MACROD2: variants seen among roughly 807,000 people sequenced by gnomAD.
MACROD2 encodes ADP-ribose glycohydrolase MACROD2.
A neutral mutation model predicts 70.4 loss-of-function variants in MACROD2; 36 were observed. That is an observed-to-expected ratio of 0.51 (90% CI 0.39 to 0.68). MACROD2 has a LOEUF of 0.68. Among genes scored for constraint, MACROD2 ranks in the 30% least tolerant of loss-of-function variants. The pLI is 0.00. For missense variants in MACROD2, 496 were observed against 538.4 expected, an observed-to-expected ratio of 0.92 and a Z score of 0.78; for synonymous variants, 172 against 178.8, an observed-to-expected ratio of 0.96 and a Z score of 0.30.
At chr20:15,939,370 A>C (rs1488189075) in intron 12 of MACROD2, among the ~76,000 whole-genome samples, 2 of 152,168 alleles carry the variant, frequency 1.3e-5, no homozygotes, top group Non-Finnish European at 2.9e-5. Context: ...CTCATTTACT[A>C]TTCCAAGAAT....
intron 6 of MACROD2, among the ~76,000 whole-genome samples, chr20:15,415,303 A>G (rs1024134289): frequency 4.6e-5 from 7 of 152,308 alleles, no homozygotes; most frequent in Admixed American, 2.0e-4. Flanking sequence ...GCTTGTGGGA[A>G]ATACATCTCT....
chr20:15,693,986 T>G (rs1209840996), intron 8 of MACROD2, among the ~76,000 whole-genome samples: 1 of 152,128 alleles, frequency 6.6e-6, no homozygotes, highest in Admixed American at 6.5e-5. Context: ...CATTGCTGAG[T>G]TACTTCACTT....
At chr20:14,863,556 G>T (rs950902651) in intron 5 of MACROD2, among the ~76,000 whole-genome samples, 2 of 152,048 alleles carry the variant, frequency 1.3e-5, no homozygotes, top group Admixed American at 6.6e-5. Flanking sequence ...AAAGTCTTTG[G>T]GTGTGGATAG....
intron 5 of MACROD2, among the ~76,000 whole-genome samples, chr20:15,034,590 T>C (rs1460396680): frequency 2.0e-5 from 3 of 152,242 alleles, no homozygotes; most frequent in African/African-American, 7.2e-5. Flanking sequence ...AAAAGTATTC[T>C]CAAATGGATG....
intron 6 of MACROD2, among the ~76,000 whole-genome samples, chr20:15,361,237 G>A (rs928538277): frequency 6.6e-6 from 1 of 152,066 alleles, no homozygotes; most frequent in African/African-American, 2.4e-5. Context: ...CTTTTGTATA[G>A]GATGTGAAGT....
intron 3 of MACROD2, among the ~76,000 whole-genome samples, chr20:14,104,183 A>G (rs1216653124): frequency 6.6e-6 from 1 of 152,194 alleles, no homozygotes; most frequent in African/African-American, 2.4e-5. Flanking sequence ...TTTGAATTAT[A>G]CTTCAATGTT....
intron 8 of MACROD2, among the ~76,000 whole-genome samples, chr20:15,565,134 A>G (rs943101499): frequency 2.6e-5 from 4 of 152,230 alleles, no homozygotes; most frequent in African/African-American, 9.6e-5. Context: ...AAGAGCTGTT[A>G]CGTGACCGCT....
At chr20:15,683,781 T>C (rs1247974966) in intron 8 of MACROD2, among the ~76,000 whole-genome samples, 1 of 152,138 alleles carries the variant, frequency 6.6e-6, no homozygotes, top group Non-Finnish European at 1.5e-5. Context: ...GGTTTCACCA[T>C]GTCGGCCATG....
intron 15 of MACROD2, among the ~76,000 whole-genome samples, chr20:15,995,649 CT>C (rs71192310): frequency 0.47 from 40,319 of 85,644 alleles, 9,662 homozygotes; most frequent in South Asian, 0.58. Context: ...TATGCCCGGC[CT>C]TTTTTTTTTT....
chr20:15,993,233 A>T (rs11468976), intron 15 of MACROD2, among the ~76,000 whole-genome samples: 13 of 144,090 alleles, frequency 9.0e-5, no homozygotes, highest in South Asian at 2.4e-4. Flanking sequence ...GAATTTGAAG[A>T]GTGTGTGTGT....
intron 6 of MACROD2, among the ~76,000 whole-genome samples, chr20:15,248,559 C>T (rs541340239): frequency 1.3e-5 from 2 of 152,140 alleles, no homozygotes; most frequent in African/African-American, 4.8e-5. Flanking sequence ...CTACAAGTCC[C>T]TGATTCCCAA....
intron 5 of MACROD2, among the ~76,000 whole-genome samples, chr20:14,965,500 C>T (rs148193317): frequency 0.019 from 2,609 of 138,550 alleles, 95 homozygotes; most frequent in African/African-American, 0.065. Context: ...TCTCTCAGTC[C>T]CCCAGGCTGG....
chr20:14,750,964 A>C (rs1264827029), intron 5 of MACROD2, among the ~76,000 whole-genome samples: 2 of 152,004 alleles, frequency 1.3e-5, no homozygotes, highest in Non-Finnish European at 2.9e-5. Context: ...TGTACAGTTG[A>C]AGTTTTCTTT....
intron 5 of MACROD2, among the ~76,000 whole-genome samples, chr20:14,760,323 T>C (rs2071998660): frequency 6.6e-6 from 1 of 152,072 alleles, no homozygotes; most frequent in South Asian, 2.1e-4. Flanking sequence ...TTATAAAACT[T>C]TCACTTACTC....
intron 4 of MACROD2, among the ~76,000 whole-genome samples, chr20:14,602,633 A>G (rs922167521): frequency 6.6e-6 from 1 of 152,236 alleles, no homozygotes; most frequent in Non-Finnish European, 1.5e-5. Flanking sequence ...TGTGCTCTGT[A>G]ACTAAGATTT....
intron 8 of MACROD2, among the ~76,000 whole-genome samples, chr20:15,593,655 C>A (rs1470695330): frequency 1.3e-5 from 2 of 152,180 alleles, no homozygotes; most frequent in African/African-American, 4.8e-5. Context: ...AAATTTCACT[C>A]TTCAAGAGGT....
intron 4 of MACROD2, among the ~76,000 whole-genome samples, chr20:14,657,971 G>T (rs1190021412): frequency 7.4e-6 from 1 of 134,876 alleles, no homozygotes; most frequent in African/African-American, 3.0e-5. Context: ...TATGGACATA[G>T]TTAAAAAAAA....
At chr20:14,379,905 A>G (rs1485406048) in intron 3 of MACROD2, among the ~76,000 whole-genome samples, 1 of 152,148 alleles carries the variant, frequency 6.6e-6, no homozygotes, top group Non-Finnish European at 1.5e-5. Flanking sequence ...ATGATGAATA[A>G]TGTGGCAACG....
intron 5 of MACROD2, among the ~76,000 whole-genome samples, chr20:15,113,618 C>T (rs1420639372): frequency 6.6e-6 from 1 of 152,114 alleles, no homozygotes; most frequent in Non-Finnish European, 1.5e-5. Flanking sequence ...TGAATTGTAT[C>T]TAATCTGCTC....
Sources: allele counts gnomAD v4.1 joint callset (sites outside exome capture counted in the v4.1 genomes callset), GRCh38; gene constraint gnomAD v4.1.1; transcripts MANE v1.5; gene names NCBI Gene and HGNC (gene_info 2026-07-23, HGNC 2026-07-21).